The following EXOC4 variants were observed in gnomAD, a reference collection of about 807,000 sequenced individuals.
The protein encoded by EXOC4 is exocyst complex component 4, also known as SEC8-like 1.
In EXOC4, 71 loss-of-function variants were observed where a neutral mutation model predicts 107.2. The ratio of observed to expected loss-of-function variants is 0.66; its 90% CI spans 0.55 to 0.81. EXOC4 has a LOEUF of 0.81. EXOC4 is among the 30% of genes least tolerant of loss of function. The pLI, the probability that EXOC4 is intolerant of heterozygous loss-of-function variation, is 0.00. For synonymous variants in EXOC4, 456 were observed against 441.2 expected, an observed-to-expected ratio of 1.03 and a Z score of -0.42; for missense variants, 1,108 against 1,189.6, an observed-to-expected ratio of 0.93 and a Z score of 1.01.
intron 7 of EXOC4, among the ~76,000 whole-genome samples, chr7:133,432,542 A>G (rs1033374220): frequency 2.0e-5 from 3 of 152,132 alleles, no homozygotes; most frequent in African/African-American, 4.8e-5. Flanking sequence ...CCCCCTTTAT[A>G]TCTGCATCCC....
intron 16 of EXOC4, among the ~76,000 whole-genome samples, chr7:134,006,275 G>A (rs973730974): frequency 1.1e-4 from 17 of 151,866 alleles, no homozygotes; most frequent in Non-Finnish European, 2.4e-4. Flanking sequence ...TGCAGACCAC[G>A]TTATATTGTG....
chr7:133,908,123 A>G (rs1799610036), intron 12 of EXOC4, among the ~76,000 whole-genome samples: 1 of 152,092 alleles, frequency 6.6e-6, no homozygotes, highest in South Asian at 2.1e-4. Flanking sequence ...CATTTCTCCT[A>G]CCCAACTCAC....
chr7:133,855,421 AT>A (rs572305337), intron 11 of EXOC4, among the ~76,000 whole-genome samples: 30 of 152,048 alleles, frequency 2.0e-4, no homozygotes, highest in Non-Finnish European at 7.4e-5. Flanking sequence ...CCATGTCTGT[AT>A]GTCTTCCATT....
intron 8 of EXOC4, among the ~76,000 whole-genome samples, chr7:133,478,579 G>A (rs912298282): frequency 2.6e-5 from 4 of 152,058 alleles, no homozygotes; most frequent in African/African-American, 9.7e-5. Flanking sequence ...ACTTGTTGCA[G>A]ACATAAAAAG....
intron 7 of EXOC4, among the ~76,000 whole-genome samples, chr7:133,466,028 T>C (rs1392736859): frequency 6.6e-6 from 1 of 151,600 alleles, no homozygotes; most frequent in East Asian, 1.9e-4. Flanking sequence ...TCCCAACTAC[T>C]CAGGAGGTTG....
In EXOC4 at chr7:133,324,108, C is replaced by A. The variant is rs184276311; in HGVS notation, c.763+6718C>A. Among the ~76,000 whole-genome samples the A allele has an allele frequency of 5.5e-3, 828 of 151,878 alleles. 3 individuals are homozygous for A. The highest frequency in any genetic ancestry group is 0.019 in the African/African-American group (786 of 41,442). The stretch of plus-strand genomic sequence containing the variant: ...CTGTTTGATTCTTCTCTCTTTTTTT[C>A]TTTATTAGTCTTGCTAGTGGTCTAT... On this transcript the variant is annotated intron_variant, in intron 5 of 17. Coordinates refer to ENST00000253861, the MANE Select transcript of EXOC4 (RefSeq NM_021807.4).
At chr7:133,526,433 G>A (rs886414123) in intron 9 of EXOC4, among the ~76,000 whole-genome samples, 2 of 152,138 alleles carry the variant, frequency 1.3e-5, no homozygotes, top group African/African-American at 4.8e-5. Flanking sequence ...TTGGCTTGCA[G>A]AGAATTCTTT....
At chr7:133,792,553 CAAAAAA>C (rs56408972) in intron 10 of EXOC4, among the ~76,000 whole-genome samples, 5 of 73,606 alleles carry the variant, frequency 6.8e-5, no homozygotes, top group African/African-American at 1.7e-4. Flanking sequence ...ACCCTGTCTC[CAAAAAA>C]AAAAAAAAAA....
At chr7:133,328,499 A>G (rs1795302601) in intron 5 of EXOC4, among the ~76,000 whole-genome samples, 1 of 151,936 alleles carries the variant, frequency 6.6e-6, no homozygotes, top group African/African-American at 2.4e-5. Context: ...TTGCCTGTTG[A>G]TGCAGTTTTT....
intron 5 of EXOC4, 26 bp from the exon 6 acceptor site, chr7:133,356,304 A>G (rs764726911): frequency 4.3e-6 from 7 of 1,611,632 alleles, no homozygotes; most frequent in East Asian, 2.2e-5. Flanking sequence ...GTCTGTATCT[A>G]TTATTGTTAT....
At chr7:133,783,032 G>C (rs1405095712) in intron 10 of EXOC4, among the ~76,000 whole-genome samples, 1 of 152,074 alleles carries the variant, frequency 6.6e-6, no homozygotes, top group African/African-American at 2.4e-5. Context: ...ACATCGCCGT[G>C]CCTCATCTTT....
intron 17 of EXOC4, among the ~76,000 whole-genome samples, chr7:134,063,478 G>A (rs1219622029): frequency 6.6e-6 from 1 of 152,184 alleles, no homozygotes; most frequent in African/African-American, 2.4e-5. Context: ...CCCTGTCTTT[G>A]TGATGTGGGC....
At chr7:133,715,397 G>C (rs1309256111) in intron 10 of EXOC4, among the ~76,000 whole-genome samples, 1 of 151,890 alleles carries the variant, frequency 6.6e-6, no homozygotes, top group African/African-American at 2.4e-5. Flanking sequence ...CCTGACTGCA[G>C]ACCACAAAAA....
At chr7:134,070,431 T>A (rs1405201537), downstream of EXOC4, among the ~76,000 whole-genome samples, 3 of 152,214 alleles carry the variant, frequency 2.0e-5, no homozygotes, top group African/African-American at 7.2e-5. Flanking sequence ...CTAATCCTAT[T>A]CCAACTGGAC....
rs569591905 is a variant in EXOC4, at chr7:133,627,677, A to G, written c.1418-2368A>G. On this transcript the variant is annotated intron_variant, in intron 9 of 17. Transcript: ENST00000253861. ...TGACCTTTCAAGGAGGATTTTATTA[A>G]AAGTGTAGTGTTTGTGTCAGTCTTC... Among the ~76,000 whole-genome samples the G allele has an allele frequency of 1.6e-4, 25 of 151,926 alleles. No individual in the cohort carries two copies. In the South Asian group the frequency reaches 3.7e-3, roughly 23 times the overall value.
At chr7:133,359,053 A>G (rs565959882) in intron 6 of EXOC4, among the ~76,000 whole-genome samples, 1 of 152,332 alleles carries the variant, frequency 6.6e-6, no homozygotes, top group East Asian at 1.9e-4. Flanking sequence ...ATTTTATAAA[A>G]CATACAAATT....
chr7:133,769,815 G>A (rs1314675965), intron 10 of EXOC4, among the ~76,000 whole-genome samples: 3 of 151,724 alleles, frequency 2.0e-5, no homozygotes, highest in African/African-American at 4.8e-5. Context: ...TAGCTTCCAG[G>A]TTTGGAGGCT....
chr7:133,606,050 A>T (rs1801937736), intron 9 of EXOC4, among the ~76,000 whole-genome samples: 2 of 151,428 alleles, frequency 1.3e-5, no homozygotes, highest in Admixed American at 1.3e-4. Context: ...CCAATAAGAA[A>T]ATAAGAAAGA....
At chr7:133,466,459 A>G (rs1242261420) in intron 7 of EXOC4, among the ~76,000 whole-genome samples, 1 of 152,222 alleles carries the variant, frequency 6.6e-6, no homozygotes, top group East Asian at 1.9e-4. Flanking sequence ...GACGATGTAG[A>G]TGAAACAGAC....
Sources: gnomAD v4.1 joint callset for allele counts (sites outside exome capture counted in the v4.1 genomes callset) on GRCh38, gnomAD v4.1.1 for gene constraint, MANE v1.5 for transcripts, NCBI Gene and HGNC (gene_info 2026-07-23, HGNC 2026-07-21) for gene names.